PDXK: variants seen among roughly 807,000 people sequenced by gnomAD.
The protein encoded by PDXK is epididymis secretory sperm binding protein Li 1a.
A neutral mutation model predicts 43.2 loss-of-function variants in PDXK; 15 were observed. The ratio of observed to expected loss-of-function variants is 0.35; its 90% CI spans 0.23 to 0.53. The LOEUF (loss-of-function observed/expected upper bound fraction) is 0.53. PDXK is among the 20% of genes least tolerant of loss of function. The pLI, the probability that PDXK is intolerant of heterozygous loss-of-function variation, is 0.92. For synonymous variants in PDXK, 172 were observed against 165.4 expected (o/e 1.04, Z -0.31); for missense variants, 343 against 417.0 (o/e 0.82, Z 1.54).
intron 5 of PDXK, 135 bp from the exon 6 acceptor site, chr21:43,748,860 C>T (rs1185740890): frequency 2.2e-5 from 14 of 645,192 alleles, no homozygotes; most frequent in Non-Finnish European, 1.9e-5. Flanking sequence ...TCGCTACAGT[C>T]GGGGGGCCTG....
chr21:43,736,904 G>T, intron 2 of PDXK: 1 of 699,652 alleles, frequency 1.4e-6, no homozygotes, highest in South Asian at 1.5e-5. Flanking sequence ...AAAGTGCTGG[G>T]ATTACAGGTG....
chr21:43,720,576 G>T (rs986726466), intron 1 of PDXK, among the ~76,000 whole-genome samples: 1 of 152,188 alleles, frequency 6.6e-6, no homozygotes, highest in African/African-American at 2.4e-5. Flanking sequence ...TTGAGACCCT[G>T]TTCCATCCAG....
Position 43,743,851 on chromosome 21 carries a change from C to T in PDXK, c.331+44C>T, listed in dbSNP as rs374160053. 233 of 1,432,938 alleles carry T rather than the reference C, an allele frequency of 1.6e-4. 1 individual carries two copies. Among genetic ancestry groups the T allele is most frequent in the African/African-American group, 3.1e-4 (22 of 71,304 alleles). The allele number at this position is 1,432,938 out of a possible 1,614,324, so 88.8% of individuals were successfully genotyped here. A position where few individuals can be genotyped will look rare whatever the true frequency, so the allele number is the denominator to read the frequency against. ...TCGGGTCTGGCTGTGTGGCCCCACA[C>T]GGGTGGGGCTGGCCTGGGAGCCCGG... On this transcript the variant is annotated intron_variant, in intron 4 of 10. Coordinates refer to ENST00000291565, the MANE Select transcript of PDXK (RefSeq NM_003681.5).
chr21:43,728,129 A>G (rs573272776), intron 1 of PDXK, among the ~76,000 whole-genome samples: 1 of 152,270 alleles, frequency 6.6e-6, no homozygotes, highest in Non-Finnish European at 1.5e-5. Context: ...AGGCTGAGGC[A>G]GGGGTGGGTC....
intron 1 of PDXK, chr21:43,733,751 C>A: frequency 1.1e-6 from 1 of 933,098 alleles, no homozygotes; most frequent in South Asian, 1.8e-5. Flanking sequence ...TGAGTGCTTT[C>A]GCTGGGTGCG....
chr21:43,721,561 C>G (rs528512443), intron 1 of PDXK: 1 of 152,418 alleles, frequency 6.6e-6, no homozygotes, highest in Admixed American at 6.5e-5. Context: ...CACCTCAAAG[C>G]AGGTGTCTCC....
In PDXK at chr21:43,735,243, G is replaced by A. The variant is rs867434266; in HGVS notation, c.142+1120G>A. Among the ~76,000 whole-genome samples, 5 of 152,190 alleles carry A rather than the reference G, an allele frequency of 3.3e-5. No homozygotes were observed. Among genetic ancestry groups the A allele is most frequent in the African/African-American group, 9.6e-5 (4 of 41,458 alleles). On this transcript the variant is annotated intron_variant, in intron 2 of 10. Coordinates refer to ENST00000291565, the MANE Select transcript of PDXK (RefSeq NM_003681.5). This position sits in a 1 kb window ranked among gnomAD's most constrained non-coding sequence, Gnocchi z 5.3. ...CCACATGTCCTTCCTGGCTGCTCTCGCCATCCTCCTTTAGGATTTATTTTT... is the reference window on the plus strand; with the variant it reads ...CCACATGTCCTTCCTGGCTGCTCTCACCATCCTCCTTTAGGATTTATTTTT...
intron 1 of PDXK, among the ~76,000 whole-genome samples, chr21:43,724,147 G>A (rs975083385): frequency 1.3e-5 from 2 of 152,170 alleles, no homozygotes; most frequent in East Asian, 1.9e-4. Flanking sequence ...CCGTCGGTGC[G>A]GAGCAGACCT....
intron 1 of PDXK, chr21:43,729,013 G>C (rs2083283116): frequency 2.7e-5 from 27 of 985,606 alleles, no homozygotes; most frequent in Non-Finnish European, 3.0e-5. Flanking sequence ...GCCTGCAGGT[G>C]GGGGAGCCCC....
In PDXK at chr21:43,758,697, A is replaced by C. The variant is rs1446486274; in HGVS notation, c.*2634A>C. 6.5e-6 allele frequency: 1 copy of C among 153,168 alleles called. No individual in the cohort carries two copies. The highest frequency in any genetic ancestry group is 1.5e-5 in the Non-Finnish European group (1 of 68,052). The allele number at this position is 153,168 out of a possible 1,614,324, so 9.5% of individuals were successfully genotyped here. ...TTGTTTTCACTTTCCATAGTTAATA[A>C]CATGCAAAATAATGAGAAGAATTTA... On this transcript the variant is annotated 3_prime_UTR_variant, in exon 11 of 11. Coordinates refer to ENST00000291565, the MANE Select transcript of PDXK (RefSeq NM_003681.5).
chr21:43,728,047 G>C (rs538547461), intron 1 of PDXK, among the ~76,000 whole-genome samples: 1 of 152,238 alleles, frequency 6.6e-6, no homozygotes, highest in Admixed American at 6.5e-5. Flanking sequence ...TGTGAGCCTG[G>C]AAGTAGGGAG....
chr21:43,748,803 T>C (rs1316911508), intron 5 of PDXK, among the ~76,000 whole-genome samples, 192 bp from the exon 6 acceptor site: 2 of 151,996 alleles, frequency 1.3e-5, no homozygotes, highest in African/African-American at 4.8e-5. Context: ...GGTTCCCCAC[T>C]CTAGTGTGCC....
intron 4 of PDXK, among the ~76,000 whole-genome samples, chr21:43,744,041 C>T (rs1030358874): frequency 2.0e-5 from 3 of 152,202 alleles, no homozygotes; most frequent in Non-Finnish European, 4.4e-5. Context: ...TGGTGTGAGA[C>T]AGGAAGGGGT....
chr21:43,750,915 TGTGC>T, intron 7 of PDXK, among the ~76,000 whole-genome samples: 1 of 65,624 alleles, frequency 1.5e-5, no homozygotes, highest in East Asian at 6.9e-4. Context: ...TGCACGCATG[TGTGC>T]ATGTGTGTGC....
rs1279644972 is a variant in PDXK at position 43,755,952 on chromosome 21, C to T, written c.828C>T (p.Ala276=). ...VLQRTIQCAK[A]QAGEGVRPSP... is the part of the protein sequence containing the mutation. ...CAGTGCTCTCTGCCTGCCCCGCAGC[C>T]CAGGCCGGGGAAGGAGTGAGGCCCA... The change falls in exon 11 of 11, where the codon GCC becomes GCT. Residue 276 remains alanine (A), a splice_region_variant and synonymous_variant. Transcript: ENST00000291565. 29 of 1,604,694 alleles carry T rather than the reference C, an allele frequency of 1.8e-5. No individual in the cohort carries two copies. The highest frequency in any genetic ancestry group is 2.5e-5 in the Non-Finnish European group (29 of 1,173,252).
chr21:43,722,487 GCC>G (rs1418299184), intron 1 of PDXK, among the ~76,000 whole-genome samples: 1 of 152,216 alleles, frequency 6.6e-6, no homozygotes, highest in Non-Finnish European at 1.5e-5. Context: ...ACCATATGCA[GCC>G]TTAGGGTCAT....
Position 43,757,850 on chromosome 21 carries a change from T to C in PDXK, c.*1787T>C, listed in dbSNP as rs1211174448. 1 of 152,146 alleles carries C rather than the reference T, an allele frequency of 6.6e-6. No individual in the cohort carries two copies. Among genetic ancestry groups the C allele is most frequent in the Admixed American group, 6.5e-5 (1 of 15,272 alleles). 9.4% of individuals were successfully genotyped at this position (152,146 alleles called of 1,614,324 possible). A position where few individuals can be genotyped will look rare whatever the true frequency, so the allele number is the denominator to read the frequency against. ...TCCGGAGCCTGGCGGGGAGGCGGCC[T>C]CCCCAGTATGTGAGTGCAGGGATCT... On this transcript the variant is annotated 3_prime_UTR_variant, in exon 11 of 11. Transcript: ENST00000291565.
At chr21:43,745,419 C>CAA (rs112185301) in intron 4 of PDXK, among the ~76,000 whole-genome samples, 1 of 99,888 alleles carries the variant, frequency 1.0e-5, no homozygotes, top group Non-Finnish European at 2.1e-5. Context: ...GACTCCATCT[C>CAA]AAAAAAAAAA....
At chr21:43,738,153 T>A in intron 2 of PDXK, 1 of 616,644 alleles carries the variant, frequency 1.6e-6, no homozygotes, top group Non-Finnish European at 2.0e-6. Context: ...ATGGAGCCCC[T>A]ACAGAGGTCA....
Sources: allele counts gnomAD v4.1 joint callset (sites outside exome capture counted in the v4.1 genomes callset), GRCh38; gene constraint gnomAD v4.1.1; non-coding constraint Gnocchi (gnomAD v3.1); transcripts MANE v1.5; gene names NCBI Gene and HGNC (gene_info 2026-07-23, HGNC 2026-07-21).